Variants in TMEM135 observed in about 807,000 individuals in gnomAD.
TMEM135 encodes the protein transmembrane protein 135.
In TMEM135, 30 loss-of-function variants were observed where a neutral mutation model predicts 60.3. The ratio of observed to expected loss-of-function variants is 0.50; its 90% CI spans 0.37 to 0.68. TMEM135 has a LOEUF of 0.68. Ranked by LOEUF, TMEM135 falls within the 30% of genes least tolerant of loss-of-function variation. The pLI is 0.00. For synonymous variants in TMEM135, 190 were observed against 186.7 expected (o/e 1.02, Z -0.14); for missense variants, 468 against 548.8 (o/e 0.85, Z 1.47).
chr11:87,247,738 A>T (rs546544293), intron 6 of TMEM135, among the ~76,000 whole-genome samples: 4 of 151,980 alleles, frequency 2.6e-5, no homozygotes, highest in African/African-American at 9.7e-5. Context: ...GAGTGACCCG[A>T]TTTTCCAGGT....
chr11:87,248,050 A>G (rs1168350218), intron 6 of TMEM135, among the ~76,000 whole-genome samples: 1 of 151,912 alleles, frequency 6.6e-6, no homozygotes, highest in Non-Finnish European at 1.5e-5. Context: ...AAATAGCTGA[A>G]TAGCATTCCA....
chr11:87,178,642 T>C, intron 5 of TMEM135: 1 of 384,662 alleles, frequency 2.6e-6, no homozygotes, highest in Admixed American at 3.1e-5. Flanking sequence ...GCCAGGTAAG[T>C]CTTGAACTCC....
chr11:87,297,903 A>G (rs912976969), intron 7 of TMEM135, among the ~76,000 whole-genome samples: 3 of 152,228 alleles, frequency 2.0e-5, no homozygotes, highest in Non-Finnish European at 4.4e-5. Context: ...TTGCATTTAT[A>G]TGGTGAATAT....
intron 1 of TMEM135, among the ~76,000 whole-genome samples, chr11:87,040,920 C>A (rs1590972494): frequency 1.3e-5 from 2 of 152,036 alleles, no homozygotes; most frequent in Middle Eastern, 3.4e-3. Flanking sequence ...AAGTAGGTGG[C>A]CCTTGACTTG....
intron 5 of TMEM135, among the ~76,000 whole-genome samples, chr11:87,212,723 T>A (rs2135344848): frequency 6.6e-6 from 1 of 150,942 alleles, no homozygotes; most frequent in South Asian, 2.1e-4. Flanking sequence ...CTCAAGAGGC[T>A]GAAGTGAGAG....
intron 1 of TMEM135, among the ~76,000 whole-genome samples, chr11:87,038,848 C>G (rs558020841): frequency 2.0e-5 from 3 of 152,122 alleles, no homozygotes. Context: ...CTAGGACCTT[C>G]TGTTACACAA....
Position 87,326,263 on chromosome 11 carries a change from C to T in TMEM135, c.*4930C>T, listed in dbSNP as rs1445747384. On this transcript the variant is annotated 3_prime_UTR_variant, in exon 15 of 15. Coordinates refer to ENST00000305494, the MANE Select transcript of TMEM135 (RefSeq NM_022918.4). Reference sequence around the variant, plus strand: ...CTTTATCTGCCTTGCTTAGACTCAGCATCCCTTTCTGTCTTGAGAGATTCA... The same window carrying T: ...CTTTATCTGCCTTGCTTAGACTCAGTATCCCTTTCTGTCTTGAGAGATTCA... The T allele has an allele frequency of 2.2e-6, 1 of 453,964 alleles. No individual in the cohort carries two copies. The allele number at this position is 453,964 out of a possible 1,614,324, so 28.1% of individuals were successfully genotyped here.
At chr11:87,282,821 T>C (rs1942086039) in intron 6 of TMEM135, among the ~76,000 whole-genome samples, 3 of 152,220 alleles carry the variant, frequency 2.0e-5, no homozygotes, top group Admixed American at 2.0e-4. Context: ...TTAATCTATA[T>C]AATATAATTC....
At chr11:87,301,460 A>T (rs1438971471) in intron 7 of TMEM135, among the ~76,000 whole-genome samples, 1 of 152,028 alleles carries the variant, frequency 6.6e-6, no homozygotes, top group Non-Finnish European at 1.5e-5. Flanking sequence ...CACTTTGGTG[A>T]CCAGGCTGTT....
intron 6 of TMEM135, chr11:87,258,733 A>G (rs1941582448): frequency 2.5e-6 from 1 of 400,392 alleles, no homozygotes; most frequent in East Asian, 5.3e-5. Flanking sequence ...TCTTCCCACC[A>G]GGTTTAGATG....
chr11:87,170,237 C>G (rs1939196821), intron 5 of TMEM135, among the ~76,000 whole-genome samples: 1 of 152,130 alleles, frequency 6.6e-6, no homozygotes, highest in Non-Finnish European at 1.5e-5. Context: ...GAACATGCTT[C>G]TTTACCTCAG....
At chr11:87,255,583 C>T (rs527848101) in intron 6 of TMEM135, among the ~76,000 whole-genome samples, 9 of 151,944 alleles carry the variant, frequency 5.9e-5, no homozygotes, top group South Asian at 4.2e-4. Context: ...GGCTGTAGTG[C>T]GCTACGATTG....
At chr11:87,266,259 G>A (rs573077870) in intron 6 of TMEM135, among the ~76,000 whole-genome samples, 31 of 152,102 alleles carry the variant, frequency 2.0e-4, no homozygotes, top group Admixed American at 5.9e-4. Flanking sequence ...ACCCTTGGCT[G>A]GTAAAATTCC....
intron 1 of TMEM135, among the ~76,000 whole-genome samples, chr11:87,062,683 T>A (rs1949962131): frequency 6.6e-6 from 1 of 151,876 alleles, no homozygotes; most frequent in Non-Finnish European, 1.5e-5. Flanking sequence ...CAGGCTGGTC[T>A]TGAACTCCTG....
intron 1 of TMEM135, among the ~76,000 whole-genome samples, chr11:87,064,438 T>C (rs1162066401): frequency 1.3e-5 from 2 of 152,308 alleles, no homozygotes; most frequent in East Asian, 3.9e-4. Context: ...AATACTGCCA[T>C]TGATACAGTC....
At chr11:87,063,483 T>C (rs1470178717) in intron 1 of TMEM135, among the ~76,000 whole-genome samples, 3 of 152,246 alleles carry the variant, frequency 2.0e-5, no homozygotes, top group Non-Finnish European at 4.4e-5. Context: ...GTGCAAGTGC[T>C]ATTGTAATTA....
chr11:87,294,030 C>T (rs565026123), intron 6 of TMEM135, among the ~76,000 whole-genome samples: 2 of 152,246 alleles, frequency 1.3e-5, no homozygotes, highest in East Asian at 1.9e-4. Flanking sequence ...TCTATTGTTC[C>T]CTGACTTTTT....
At chr11:87,305,025 A>G (rs1210198442) in intron 8 of TMEM135, among the ~76,000 whole-genome samples, 1 of 152,228 alleles carries the variant, frequency 6.6e-6, no homozygotes, top group East Asian at 1.9e-4. Context: ...GTGGTTTACA[A>G]TTAAATCACA....
intron 6 of TMEM135, among the ~76,000 whole-genome samples, chr11:87,286,290 A>G (rs1261143751): frequency 7.7e-6 from 1 of 129,668 alleles, no homozygotes; most frequent in African/African-American, 2.6e-5. Context: ...TCCTTTAGCT[A>G]GACATATTCT....
Sources: gnomAD v4.1 joint callset for allele counts (sites outside exome capture counted in the v4.1 genomes callset) on GRCh38, gnomAD v4.1.1 for gene constraint, MANE v1.5 for transcripts, NCBI Gene and HGNC (gene_info 2026-07-23, HGNC 2026-07-21) for gene names.